Variants in ENPP2 observed in about 807,000 individuals in gnomAD.
ENPP2 encodes autotaxin.
In ENPP2, 51 loss-of-function variants were observed where a neutral mutation model predicts 120.2. That is an observed-to-expected ratio of 0.42 (90% CI 0.34 to 0.54). The LOEUF (loss-of-function observed/expected upper bound fraction) is 0.54. Ranked by LOEUF, ENPP2 falls within the 20% of genes least tolerant of loss-of-function variation. ENPP2 has a pLI of 0.04. For missense variants in ENPP2, 920 were observed against 1,066.5 expected, an observed-to-expected ratio of 0.86 and a Z score of 1.91; for synonymous variants, 365 against 366.4, an observed-to-expected ratio of 1.00 and a Z score of 0.04.
chr8:119,572,312 A>C, intron 19 of ENPP2: 1 of 1,242,580 alleles, frequency 8.0e-7, no homozygotes. Flanking sequence ...TTAAGTTTTC[A>C]TGGTTACCAC....
intron 24 of ENPP2, among the ~76,000 whole-genome samples, chr8:119,561,787 TTGTGTGTGTGTGTG>T (rs146680195): frequency 6.7e-6 from 1 of 149,030 alleles, no homozygotes; most frequent in East Asian, 2.0e-4. Context: ...TGCTCTTGCT[TTGTGTGTGTGTGTG>T]TGTGTGTGTG....
chr8:119,621,645 T>C, intron 3 of ENPP2, 126 bp from the exon 4 acceptor site: 1 of 928,086 alleles, frequency 1.1e-6, no homozygotes, highest in Non-Finnish European at 1.6e-6. Flanking sequence ...CTTGTGAAAT[T>C]TGAGTTGGCT....
At chr8:119,629,215 T>A (rs1264639935) in intron 2 of ENPP2, among the ~76,000 whole-genome samples, 1 of 152,130 alleles carries the variant, frequency 6.6e-6, no homozygotes, top group Non-Finnish European at 1.5e-5. Flanking sequence ...TGGGTATGTA[T>A]ATATATGTAC....
intron 23 of ENPP2, 92 bp downstream of exon 23, chr8:119,564,731 A>G (rs1041541620): frequency 9.9e-7 from 1 of 1,007,144 alleles, no homozygotes; most frequent in Non-Finnish European, 1.4e-6. Context: ...AAGGGGTGTC[A>G]TCTCTTCTCT....
At chr8:119,611,892 G>T (rs1308146285) in intron 8 of ENPP2, among the ~76,000 whole-genome samples, 1 of 152,140 alleles carries the variant, frequency 6.6e-6, no homozygotes, top group Non-Finnish European at 1.5e-5. Context: ...ATCTGGGCAT[G>T]GTGGCACACG....
At chr8:119,650,180 G>A (rs1382433494) in intron 1 of ENPP2, among the ~76,000 whole-genome samples, 9 of 152,186 alleles carry the variant, frequency 5.9e-5, no homozygotes, top group African/African-American at 1.9e-4. Context: ...GCCCTTATAT[G>A]TGCTTCAGCA....
At chr8:119,664,272 A>G (rs1304789161) in intron 1 of ENPP2, among the ~76,000 whole-genome samples, 2 of 152,230 alleles carry the variant, frequency 1.3e-5, no homozygotes, top group African/African-American at 4.8e-5. Flanking sequence ...TTAAAAGAGC[A>G]CAGTATTTCG....
intron 2 of ENPP2, 89 bp from the exon 3 acceptor site, chr8:119,626,809 C>T: frequency 8.4e-7 from 1 of 1,186,322 alleles, no homozygotes; most frequent in Non-Finnish European, 1.2e-6. Context: ...CGGTGTGATG[C>T]TGCAGTGGAC....
At chr8:119,658,747 A>G (rs1817836587) in intron 1 of ENPP2, among the ~76,000 whole-genome samples, 1 of 152,044 alleles carries the variant, frequency 6.6e-6, no homozygotes, top group Non-Finnish European at 1.5e-5. Flanking sequence ...TATAAGCCCC[A>G]CCAGTGTAGA....
intron 9 of ENPP2, among the ~76,000 whole-genome samples, chr8:119,601,828 A>C (rs906305486): frequency 1.3e-5 from 2 of 152,060 alleles, no homozygotes; most frequent in African/African-American, 4.8e-5. Context: ...CAGTACTTAC[A>C]TCCCCAATCC....
intron 1 of ENPP2, among the ~76,000 whole-genome samples, chr8:119,655,681 A>G (rs1817749214): frequency 6.6e-6 from 1 of 152,232 alleles, no homozygotes; most frequent in Non-Finnish European, 1.5e-5. Flanking sequence ...TACAGAGATT[A>G]TCTTACTGAA....
intron 9 of ENPP2, among the ~76,000 whole-genome samples, chr8:119,602,554 T>A (rs1278092912): frequency 1.3e-5 from 2 of 152,174 alleles, no homozygotes; most frequent in African/African-American, 4.8e-5. Context: ...TAAGTCTCTT[T>A]CCTCTGTTGA....
intron 8 of ENPP2, among the ~76,000 whole-genome samples, chr8:119,614,513 G>A (rs946848785): frequency 2.0e-5 from 3 of 152,136 alleles, no homozygotes; most frequent in Non-Finnish European, 4.4e-5. Flanking sequence ...GGTAAACAGA[G>A]CTGAAACAGA....
intron 19 of ENPP2, among the ~76,000 whole-genome samples, chr8:119,574,869 G>C (rs929475939): frequency 1.3e-5 from 2 of 152,050 alleles, no homozygotes; most frequent in African/African-American, 2.4e-5. Context: ...AACCTCCTCT[G>C]AGATTTGATT....
chr8:119,625,834 T>C (rs1447473860), intron 3 of ENPP2, among the ~76,000 whole-genome samples: 10 of 152,202 alleles, frequency 6.6e-5, no homozygotes, highest in Non-Finnish European at 1.3e-4. Flanking sequence ...CAGAAGCCTG[T>C]ACATCCTAGT....
In ENPP2 at chr8:119,662,234, G is replaced by C. The variant is rs572010366; in HGVS notation, c.21+11018C>G. Among the ~76,000 whole-genome samples, 4 of 152,002 alleles carry C rather than the reference G, an allele frequency of 2.6e-5. No homozygotes were observed. The East Asian group carries it at 5.8e-4, about 22-fold the overall frequency. ...TGAGGTGATAAACTAATGTTAGTTT[G>C]TTTTATATGTATACATTCAACAGTG... On this transcript the variant is annotated intron_variant, in intron 1 of 25. Coordinates refer to the ENPP2 transcript ENST00000427067.
At chr8:119,655,351 G>C (rs1001315171) in intron 1 of ENPP2, among the ~76,000 whole-genome samples, 1 of 152,166 alleles carries the variant, frequency 6.6e-6, no homozygotes, top group African/African-American at 2.4e-5. Context: ...TTATGCAAGA[G>C]AATGCCGGAA....
chr8:119,658,236 G>T (rs1422064418), intron 1 of ENPP2, among the ~76,000 whole-genome samples: 1 of 152,158 alleles, frequency 6.6e-6, no homozygotes, highest in Non-Finnish European at 1.5e-5. Context: ...TTGTTATGTG[G>T]ATATTGCCTG....
intron 19 of ENPP2, among the ~76,000 whole-genome samples, chr8:119,577,632 T>C (rs768467009): frequency 6.6e-6 from 1 of 152,224 alleles, no homozygotes; most frequent in Non-Finnish European, 1.5e-5. Context: ...GGCTCTCTTG[T>C]GTCATTAAAT....
Sources: allele counts gnomAD v4.1 joint callset (sites outside exome capture counted in the v4.1 genomes callset), GRCh38; gene constraint gnomAD v4.1.1; transcripts MANE v1.5; gene names NCBI Gene and HGNC (gene_info 2026-07-23, HGNC 2026-07-21).